SIK1: variants seen among roughly 807,000 people sequenced by gnomAD.
The protein encoded by SIK1 is serine/threonine-protein kinase SIK1.
Under a neutral mutation model 0.3 loss-of-function variants are expected in SIK1, and 1 was observed. The observed-to-expected ratio is 3.27, with a 90% CI of 1.16 to 15.53. The LOEUF is 15.53. Ranked by LOEUF, SIK1 falls within the 30% of genes most tolerant of loss-of-function variation. The pLI, the probability that SIK1 is intolerant of heterozygous loss-of-function variation, is 0.12.
Position 43,419,776 on chromosome 21 carries a change from T to C in SIK1, c.1119+83A>G. 2 of 262,538 alleles carry C rather than the reference T, an allele frequency of 7.6e-6. 1 individual carries two copies. The highest frequency in any genetic ancestry group is 1.0e-5 in the Non-Finnish European group (2 of 195,598). The allele number at this position is 262,538 out of a possible 1,614,324, so 16.3% of individuals were successfully genotyped here. ...CTTCCCCACGAGGCCTGGGACCCACTGCCCACGCAAGGAACCGCCCTCCAA... is the reference window on the plus strand; with the variant it reads ...CTTCCCCACGAGGCCTGGGACCCACCGCCCACGCAAGGAACCGCCCTCCAA... On this transcript the variant is annotated intron_variant, in intron 9 of 13. Coordinates refer to ENST00000270162, the MANE Select transcript of SIK1 (RefSeq NM_173354.5).
Sources: gnomAD v4.1 joint callset for allele counts on GRCh38, gnomAD v4.1.1 for gene constraint, MANE v1.5 for transcripts, NCBI Gene and HGNC (gene_info 2026-07-23, HGNC 2026-07-21) for gene names.